The following CNTNAP2 variants were observed in gnomAD, a reference collection of about 807,000 sequenced individuals.
CNTNAP2 encodes the protein contactin associated protein 2, also known as contactin-associated protein-like 2.
CNTNAP2 carries 98 observed loss-of-function variants against 155.2 expected under a neutral mutation model. The observed-to-expected ratio is 0.63, with a 90% CI of 0.54 to 0.75. CNTNAP2 has a LOEUF of 0.75. Ranked by LOEUF, CNTNAP2 falls within the 30% of genes least tolerant of loss-of-function variation. The pLI, the probability that CNTNAP2 is intolerant of heterozygous loss-of-function variation, is 0.00. For synonymous variants in CNTNAP2, 651 were observed against 631.2 expected (o/e 1.03, Z -0.47); for missense variants, 1,727 against 1,688.1 (o/e 1.02, Z -0.40).
intron 1 of CNTNAP2, among the ~76,000 whole-genome samples, chr7:146,189,697 G>A (rs1020144055): frequency 1.3e-5 from 2 of 152,120 alleles, no homozygotes; most frequent in Non-Finnish European, 2.9e-5. Flanking sequence ...ATAGGACCAT[G>A]GAGGTGACAT....
intron 1 of CNTNAP2, among the ~76,000 whole-genome samples, chr7:146,594,937 G>A (rs1053768241): frequency 5.9e-5 from 9 of 152,094 alleles, no homozygotes; most frequent in African/African-American, 2.2e-4. Flanking sequence ...TTAGGAAGAG[G>A]TGTGTAGTGA....
At chr7:147,490,811 G>A (rs962479572) in intron 11 of CNTNAP2, among the ~76,000 whole-genome samples, 7 of 152,294 alleles carry the variant, frequency 4.6e-5, no homozygotes, top group South Asian at 2.1e-4. Flanking sequence ...CCATGTAGCC[G>A]GGGAGGCCTC....
intron 1 of CNTNAP2, among the ~76,000 whole-genome samples, chr7:146,485,580 G>A (rs1206939084): frequency 6.6e-6 from 1 of 152,100 alleles, no homozygotes; most frequent in Non-Finnish European, 1.5e-5. Context: ...TTTGAAAGAT[G>A]CAATTCCCAG....
At position 147,905,941 on chromosome 7, in the gene CNTNAP2, C is replaced by T. The variant is rs186955517; in HGVS notation, c.2255+2220C>T. On this transcript the variant is annotated intron_variant, in intron 14 of 23. Coordinates refer to ENST00000361727, the MANE Select transcript of CNTNAP2 (RefSeq NM_014141.6). ...AAAAAAAACTGATGGAAGAAATTTT[C>T]AATCTAACTGGAGGAGTGAAGGAAG... Among the ~76,000 whole-genome samples, 9 of 151,612 alleles carry T rather than the reference C, an allele frequency of 5.9e-5. No individual in the cohort carries two copies. In the East Asian group the frequency reaches 1.6e-3, roughly 26 times the overall value.
intron 13 of CNTNAP2, among the ~76,000 whole-genome samples, chr7:147,783,686 T>C (rs149075793): frequency 3.8e-4 from 58 of 152,306 alleles, no homozygotes; most frequent in African/African-American, 1.4e-3. Flanking sequence ...AAGTTGGGCT[T>C]TGGGAGGTGA....
At chr7:148,331,751 C>CGGATGGAGTCGATGGATGGAGT (rs1798026677) in intron 21 of CNTNAP2, among the ~76,000 whole-genome samples, 1 of 20,280 alleles carries the variant, frequency 4.9e-5, no homozygotes, top group Non-Finnish European at 9.9e-5. Flanking sequence ...ATGGATGGAA[C>CGGATGGAGTCGATGGATGGAGT]GGACGGATGG....
At chr7:148,128,649 C>T (rs1377468811) in intron 16 of CNTNAP2, among the ~76,000 whole-genome samples, 1 of 152,024 alleles carries the variant, frequency 6.6e-6, no homozygotes, top group Non-Finnish European at 1.5e-5. Flanking sequence ...TAGAGGTATC[C>T]TAGAGTTATG....
chr7:146,736,548 A>G (rs570131963), intron 1 of CNTNAP2, among the ~76,000 whole-genome samples: 64 of 152,318 alleles, frequency 4.2e-4, no homozygotes, highest in African/African-American at 1.5e-3. Flanking sequence ...GGCAACTGAC[A>G]CAAGTAGATA....
intron 15 of CNTNAP2, among the ~76,000 whole-genome samples, chr7:148,050,191 C>T (rs925908222): frequency 6.6e-6 from 1 of 152,146 alleles, no homozygotes; most frequent in African/African-American, 2.4e-5. Flanking sequence ...GTGAAACAAC[C>T]TCAGCAGGTC....
At chr7:146,150,524 T>A (rs1798021230) in intron 1 of CNTNAP2, among the ~76,000 whole-genome samples, 1 of 152,036 alleles carries the variant, frequency 6.6e-6, no homozygotes, top group African/African-American at 2.4e-5. Flanking sequence ...GGTTACAGAT[T>A]TTTTATATTA....
chr7:147,120,595 A>G (rs1801086675), intron 5 of CNTNAP2, among the ~76,000 whole-genome samples: 1 of 151,832 alleles, frequency 6.6e-6, no homozygotes, highest in Non-Finnish European at 1.5e-5. Flanking sequence ...TTTTACTATT[A>G]CATTTTATTT....
chr7:147,878,883 T>C (rs1440637635), intron 13 of CNTNAP2, among the ~76,000 whole-genome samples: 1 of 152,224 alleles, frequency 6.6e-6, no homozygotes, highest in East Asian at 1.9e-4. Flanking sequence ...TCACCAGCTT[T>C]CTTCTGACAG....
rs59735351 is a variant in CNTNAP2 at position 146,839,341 on chromosome 7, G to A, written c.209-370G>A. Among the ~76,000 whole-genome samples the A allele has an allele frequency of 5.9e-5, 9 of 152,146 alleles. No individual in the cohort carries two copies. In the East Asian group the frequency reaches 1.7e-3, roughly 29 times the overall value. The stretch of plus-strand genomic sequence containing the variant: ...ATTTATTAAATGATAAAGTTTACAT[G>A]ACAGAAAAAATTGGATAGTTACATA... On this transcript the variant is annotated intron_variant, in intron 2 of 23. Transcript: ENST00000361727.
At chr7:147,010,702 GC>G (rs2129243598) in intron 3 of CNTNAP2, among the ~76,000 whole-genome samples, 1 of 152,198 alleles carries the variant, frequency 6.6e-6, no homozygotes, top group Admixed American at 6.5e-5. Flanking sequence ...AGAAGAGAAA[GC>G]TTTTTCTTGT....
At chr7:146,563,487 A>G (rs1228291289) in intron 1 of CNTNAP2, among the ~76,000 whole-genome samples, 3 of 152,126 alleles carry the variant, frequency 2.0e-5, no homozygotes, top group Non-Finnish European at 4.4e-5. Context: ...AGTATCCTCC[A>G]GAGAGCATGT....
At chr7:146,533,898 A>C (rs1434400966) in intron 1 of CNTNAP2, among the ~76,000 whole-genome samples, 2 of 152,188 alleles carry the variant, frequency 1.3e-5, no homozygotes, top group Non-Finnish European at 2.9e-5. Flanking sequence ...TAGATAAAAT[A>C]CTAGATGTTA....
intron 4 of CNTNAP2, among the ~76,000 whole-genome samples, chr7:147,064,565 C>T (rs1479050264): frequency 6.6e-6 from 1 of 152,144 alleles, no homozygotes; most frequent in African/African-American, 2.4e-5. Flanking sequence ...TTTGTATTAC[C>T]TTGAATGCAC....
intron 13 of CNTNAP2, among the ~76,000 whole-genome samples, chr7:147,652,326 T>C (rs1407571132): frequency 1.3e-5 from 2 of 152,184 alleles, no homozygotes; most frequent in African/African-American, 2.4e-5. Flanking sequence ...AAAATCTCTA[T>C]AAAAACATGC....
chr7:147,977,746 G>A, intron 14 of CNTNAP2, 116 bp from the exon 15 acceptor site: 1 of 1,440,954 alleles, frequency 6.9e-7, no homozygotes, highest in Non-Finnish European at 9.6e-7. Context: ...GCTTTACTTA[G>A]TAAACTTCCA....
Sources: allele counts gnomAD v4.1 joint callset (sites outside exome capture counted in the v4.1 genomes callset), GRCh38; gene constraint gnomAD v4.1.1; transcripts MANE v1.5; gene names NCBI Gene and HGNC (gene_info 2026-07-23, HGNC 2026-07-21).